The following STOX2 variants were observed in gnomAD, a reference collection of about 807,000 sequenced individuals.
The protein encoded by STOX2 is storkhead box 2.
STOX2 carries 28 observed loss-of-function variants against 60.9 expected under a neutral mutation model. The observed-to-expected ratio is 0.46, with a 90% confidence interval of 0.34 to 0.63. STOX2 has a LOEUF of 0.63. STOX2 is among the 30% of genes least tolerant of loss of function. STOX2 has a pLI of 0.01. For synonymous variants in STOX2, 472 were observed against 463.9 expected, an observed-to-expected ratio of 1.02 and a Z score of -0.22; for missense variants, 1,024 against 1,187.7, an observed-to-expected ratio of 0.86 and a Z score of 2.03.
chr4:183,864,225 C>T (rs952052360), intron 1 of STOX2, among the ~76,000 whole-genome samples: 9 of 152,102 alleles, frequency 5.9e-5, no homozygotes, highest in Non-Finnish European at 1.0e-4. Flanking sequence ...TTCTCCAGAA[C>T]GGAGATAAAA....
At chr4:183,831,929 G>A (rs1463759018) in intron 1 of STOX2, among the ~76,000 whole-genome samples, 3 of 151,146 alleles carry the variant, frequency 2.0e-5, no homozygotes, top group East Asian at 3.9e-4. Flanking sequence ...TCCCCTTCTC[G>A]GCCCCTCCCT....
At position 183,806,980 on chromosome 4, in the gene STOX2, CT is replaced by C. The variant is rs10712455; in HGVS notation, c.364+8935del. Reference sequence around the variant, plus strand: ...ATGCTTTCTGACACTTTCTTTTTTTCTTTTTTTTTTGAGACGGAGTCTTGCT... The same window carrying C: ...ATGCTTTCTGACACTTTCTTTTTTTCTTTTTTTTTGAGACGGAGTCTTGCT... On this transcript the variant is annotated intron_variant, in intron 1 of 2. Transcript: ENST00000513034. This position sits in a 1 kb window ranked among gnomAD's most constrained non-coding sequence, Gnocchi z 4.1. Among the ~76,000 whole-genome samples, 148,679 of 149,748 alleles carry C rather than the reference CT, an allele frequency of 0.99. 73,820 individuals are homozygous for C. Among genetic ancestry groups the C allele is most frequent in the East Asian group, 1 (5,021 of 5,022 alleles).
intron 1 of STOX2, among the ~76,000 whole-genome samples, chr4:183,913,036 A>G (rs1008723928): frequency 6.6e-6 from 1 of 152,200 alleles, no homozygotes; most frequent in African/African-American, 2.4e-5. Flanking sequence ...TGGTTGCTGC[A>G]AGTGAAACTG....
chr4:183,878,239 G>T (rs1202690515), intron 1 of STOX2, among the ~76,000 whole-genome samples: 1 of 152,174 alleles, frequency 6.6e-6, no homozygotes, highest in Non-Finnish European at 1.5e-5. Flanking sequence ...GACATTTTTA[G>T]ATTCAGTGAA....
At chr4:183,876,567 A>T (rs1290076061) in intron 1 of STOX2, among the ~76,000 whole-genome samples, 2 of 152,178 alleles carry the variant, frequency 1.3e-5, no homozygotes, top group Non-Finnish European at 2.9e-5. Flanking sequence ...TGGCAAGGAG[A>T]GGTTGCCAGC....
intron 1 of STOX2, among the ~76,000 whole-genome samples, chr4:183,970,428 C>T (rs1341209576): frequency 6.6e-6 from 1 of 152,048 alleles, no homozygotes; most frequent in Admixed American, 6.5e-5. Flanking sequence ...CTCAGGGAGT[C>T]CCACTATGCC....
At chr4:183,831,431 T>G (rs1257175374) in intron 1 of STOX2, among the ~76,000 whole-genome samples, 1 of 151,604 alleles carries the variant, frequency 6.6e-6, no homozygotes, top group Non-Finnish European at 1.5e-5. Flanking sequence ...AAAACACAAA[T>G]AATTGTGGGG....
chr4:183,862,835 G>A (rs569836523), intron 1 of STOX2, among the ~76,000 whole-genome samples: 2 of 152,320 alleles, frequency 1.3e-5, no homozygotes, highest in Admixed American at 1.3e-4. Context: ...CTTGGACAGT[G>A]TGGTTTCCTT....
In STOX2 at chr4:184,009,722, G is replaced by A; in HGVS notation, c.884G>A (p.Trp295Ter). Residue 295 changes from tryptophan (W) to a stop codon, truncating the protein, a stop_gained, in exon 3 of 4, where the codon TGG becomes TAG. Transcript: ENST00000308497. LOFTEE classifies it high-confidence loss of function. The surrounding 1 kb of genome is among the most constrained non-coding windows in gnomAD (Gnocchi z 4.0). ...TCTGCCCAGTTTCCTCCTGAAGAGT[G>A]GCCCCTGCGAGACGAGGACACGCCA... is the stretch of plus-strand genomic sequence containing the variant. ...NFSAQFPPEE[W>*]PLRDEDTPAT... 1 of 1,613,812 alleles carries A rather than the reference G, an allele frequency of 6.2e-7. No individual in the cohort carries two copies. The highest frequency in any genetic ancestry group is 8.5e-7 in the Non-Finnish European group (1 of 1,179,836).
At chr4:183,802,707 G>A (rs1052680508) in intron 1 of STOX2, among the ~76,000 whole-genome samples, 2 of 151,872 alleles carry the variant, frequency 1.3e-5, no homozygotes, top group African/African-American at 4.8e-5. Flanking sequence ...CCGGGTTCAC[G>A]CCATTCTCCT....
chr4:183,873,827 A>G (rs1225801633), intron 1 of STOX2, among the ~76,000 whole-genome samples: 1 of 152,230 alleles, frequency 6.6e-6, no homozygotes, highest in African/African-American at 2.4e-5. Flanking sequence ...TTGTACAAAC[A>G]CAAAGCTGCC....
Position 183,806,475 on chromosome 4 carries a change from T to C in STOX2, c.364+8420T>C, listed in dbSNP as rs1241622992. Reference sequence around the variant, plus strand: ...GGAATCCAGTCTGGGGCGCCCCATCTTCCTGCCGCCTGAGGTTGCTGCAGC... The same window carrying C: ...GGAATCCAGTCTGGGGCGCCCCATCCTCCTGCCGCCTGAGGTTGCTGCAGC... On this transcript the variant is annotated intron_variant, in intron 1 of 2. Coordinates refer to the STOX2 transcript ENST00000513034. This position sits in a 1 kb window ranked among gnomAD's most constrained non-coding sequence, Gnocchi z 4.1. Among the ~76,000 whole-genome samples the C allele has an allele frequency of 1.3e-5, 2 of 152,256 alleles. No individual in the cohort carries two copies. The highest frequency in any genetic ancestry group is 3.9e-4 in the East Asian group (2 of 5,172).
At chr4:183,897,754 T>C (rs2111070120) in intron 1 of STOX2, among the ~76,000 whole-genome samples, 1 of 152,318 alleles carries the variant, frequency 6.6e-6, no homozygotes, top group South Asian at 2.1e-4. Context: ...TTTCAAGTAA[T>C]ACGGTTTATT....
intron 1 of STOX2, among the ~76,000 whole-genome samples, chr4:183,822,864 A>G (rs1476673481): frequency 6.6e-6 from 1 of 152,164 alleles, no homozygotes; most frequent in East Asian, 1.9e-4. Context: ...AGAGGCTGAA[A>G]TTCAGAGAGG....
chr4:183,906,574 G>A lies in STOX2; in HGVS notation c.-217G>A. On this transcript the variant is annotated 5_prime_UTR_variant, in exon 1 of 4. It adds an upstream start codon to the 5' untranslated region. Transcript: ENST00000308497. Reference sequence around the variant, plus strand: ...GATTGCAAATGAAGTGTAATGCATTGTGGGACGTGTGTAAAATCGGAGCCT... The same window carrying A: ...GATTGCAAATGAAGTGTAATGCATTATGGGACGTGTGTAAAATCGGAGCCT... The A allele has an allele frequency of 1.9e-6, 1 of 535,314 alleles. No homozygotes were observed. The highest frequency in any genetic ancestry group is 3.3e-6 in the Non-Finnish European group (1 of 303,892). 33.2% of individuals were successfully genotyped at this position (535,314 alleles called of 1,614,324 possible).
chr4:183,925,517 A>G (rs1345328311), intron 1 of STOX2, among the ~76,000 whole-genome samples: 1 of 152,158 alleles, frequency 6.6e-6, no homozygotes, highest in Non-Finnish European at 1.5e-5. Flanking sequence ...TGCTTGAAGA[A>G]TAATTCCAGT....
chr4:183,851,416 T>TGAGGGAAAG (rs1740133137), intron 1 of STOX2, among the ~76,000 whole-genome samples: 1 of 56,220 alleles, frequency 1.8e-5, no homozygotes, highest in African/African-American at 8.0e-5. Flanking sequence ...AGAGAAAGGA[T>TGAGGGAAAG]GAGGGAAAGG....
chr4:183,884,489 C>A (rs1446980097), intron 1 of STOX2, among the ~76,000 whole-genome samples: 2 of 152,028 alleles, frequency 1.3e-5, no homozygotes, highest in South Asian at 2.1e-4. Flanking sequence ...AAAGGAAGAA[C>A]AAATAAAATA....
chr4:184,012,079 G>A (rs1253191616), intron 3 of STOX2, among the ~76,000 whole-genome samples: 1 of 152,208 alleles, frequency 6.6e-6, no homozygotes, highest in Non-Finnish European at 1.5e-5. Flanking sequence ...CAGAAATGAC[G>A]GAGCCCATTT....
Sources: gnomAD v4.1 joint callset for allele counts (sites outside exome capture counted in the v4.1 genomes callset) on GRCh38, gnomAD v4.1.1 for gene constraint, Gnocchi (gnomAD v3.1) non-coding constraint, MANE v1.5 for transcripts, NCBI Gene and HGNC (gene_info 2026-07-23, HGNC 2026-07-21) for gene names.